LRMDA: variants seen among roughly 807,000 people sequenced by gnomAD.
LRMDA encodes leucine-rich melanocyte differentiation-associated protein.
In LRMDA, 18 loss-of-function variants were observed where a neutral mutation model predicts 29.8. The ratio of observed to expected loss-of-function variants is 0.60; its 90% CI spans 0.42 to 0.90. The LOEUF is 0.90. LRMDA is among the 40% of genes least tolerant of loss of function. The pLI is 0.00. For missense variants in LRMDA, 273 were observed against 273.9 expected, an observed-to-expected ratio of 1.00 and a Z score of 0.02; for synonymous variants, 125 against 109.4, an observed-to-expected ratio of 1.14 and a Z score of -0.89.
intron 2 of LRMDA, among the ~76,000 whole-genome samples, chr10:75,522,680 A>G (rs1365420245): frequency 6.6e-6 from 1 of 152,252 alleles, no homozygotes; most frequent in Non-Finnish European, 1.5e-5. Context: ...GTTCTACAAC[A>G]TGGGATTCCC....
At chr10:75,932,388 G>A (rs1172897269) in intron 2 of LRMDA, among the ~76,000 whole-genome samples, 1 of 152,176 alleles carries the variant, frequency 6.6e-6, no homozygotes, top group African/African-American at 2.4e-5. Flanking sequence ...TGAGGCAGGA[G>A]GACAGCCTGA....
chr10:76,452,274 G>T (rs893218129), intron 6 of LRMDA, among the ~76,000 whole-genome samples: 41 of 152,270 alleles, frequency 2.7e-4, no homozygotes, highest in African/African-American at 9.6e-4. Flanking sequence ...CTGGGATCTG[G>T]GTCAGGGCCT....
chr10:76,107,832 G>A (rs546301112), intron 5 of LRMDA, among the ~76,000 whole-genome samples: 16 of 152,184 alleles, frequency 1.1e-4, no homozygotes, highest in East Asian at 3.9e-4. Flanking sequence ...AGGTGTAAAC[G>A]TGCCATGGTG....
intron 5 of LRMDA, 106 bp downstream of exon 5, chr10:76,058,889 A>C (rs1589308171): frequency 1.1e-6 from 1 of 869,760 alleles, no homozygotes; most frequent in Non-Finnish European, 1.9e-6. Context: ...TGCAGTTGGA[A>C]TCTCACATGA....
intron 2 of LRMDA, among the ~76,000 whole-genome samples, chr10:75,879,064 T>C (rs1235825569): frequency 6.6e-6 from 1 of 152,228 alleles, no homozygotes; most frequent in Non-Finnish European, 1.5e-5. Context: ...GTTCCCCAGG[T>C]GACTCTGACA....
chr10:75,522,369 C>T (rs1845371824), intron 2 of LRMDA, among the ~76,000 whole-genome samples: 1 of 152,168 alleles, frequency 6.6e-6, no homozygotes, highest in Admixed American at 6.5e-5. Flanking sequence ...ATTCAGAAGT[C>T]TCTGTGCAGA....
intron 2 of LRMDA, among the ~76,000 whole-genome samples, chr10:75,657,472 C>A (rs1192431939): frequency 6.6e-6 from 1 of 152,184 alleles, no homozygotes; most frequent in Non-Finnish European, 1.5e-5. Flanking sequence ...AGAGCCACAG[C>A]AGCCAGGCAA....
intron 2 of LRMDA, among the ~76,000 whole-genome samples, chr10:75,851,689 T>G (rs1844735695): frequency 6.6e-6 from 1 of 152,194 alleles, no homozygotes. Flanking sequence ...ACTGATAAAA[T>G]GCAAAGTCAC....
chr10:76,306,610 C>A (rs577966932), intron 5 of LRMDA, among the ~76,000 whole-genome samples: 1 of 152,284 alleles, frequency 6.6e-6, no homozygotes, highest in East Asian at 1.9e-4. Flanking sequence ...ACATCCTTGG[C>A]ATCTCTTTTA....
chr10:75,924,824 G>T (rs550954193), intron 2 of LRMDA, among the ~76,000 whole-genome samples: 1 of 152,244 alleles, frequency 6.6e-6, no homozygotes, highest in South Asian at 2.1e-4. Flanking sequence ...TGGGTTTCTG[G>T]ATATGTTCTT....
intron 6 of LRMDA, among the ~76,000 whole-genome samples, chr10:76,505,728 C>T (rs930517132): frequency 1.3e-5 from 2 of 152,102 alleles, no homozygotes. Context: ...AATGAGCTTC[C>T]TTGCCATCCA....
At chr10:75,742,068 C>T (rs558238024) in intron 2 of LRMDA, among the ~76,000 whole-genome samples, 3 of 152,306 alleles carry the variant, frequency 2.0e-5, no homozygotes, top group East Asian at 1.9e-4. Context: ...ACGAAAAATA[C>T]GTTTCTGTTG....
chr10:75,682,807 C>A (rs117048381), intron 2 of LRMDA, among the ~76,000 whole-genome samples: 1 of 152,032 alleles, frequency 6.6e-6, no homozygotes, highest in Non-Finnish European at 1.5e-5. Flanking sequence ...TTTGACTCAG[C>A]GCAGCATCAA....
chr10:75,696,242 C>T (rs993285323), intron 2 of LRMDA, among the ~76,000 whole-genome samples: 1 of 152,192 alleles, frequency 6.6e-6, no homozygotes, highest in African/African-American at 2.4e-5. Flanking sequence ...CTTGCTTATG[C>T]TTTGTGTACA....
intron 2 of LRMDA, among the ~76,000 whole-genome samples, chr10:75,572,047 G>A (rs1345268923): frequency 1.3e-5 from 2 of 152,194 alleles, no homozygotes; most frequent in East Asian, 1.9e-4. Context: ...TCTGCCTCCC[G>A]GGTTCAAGCG....
intron 2 of LRMDA, among the ~76,000 whole-genome samples, chr10:75,584,598 A>G (rs886598046): frequency 1.3e-5 from 2 of 152,086 alleles, no homozygotes; most frequent in Non-Finnish European, 2.9e-5. Flanking sequence ...TGGGCTAGTG[A>G]GGTCTGGGGT....
chr10:75,598,825 AT>A (rs1335888407), intron 2 of LRMDA, among the ~76,000 whole-genome samples: 1 of 152,180 alleles, frequency 6.6e-6, no homozygotes, highest in Non-Finnish European at 1.5e-5. Context: ...ATAAAATCAA[AT>A]AGACATGAAG....
intron 2 of LRMDA, among the ~76,000 whole-genome samples, chr10:75,840,412 G>A (rs1166539589): frequency 3.9e-5 from 6 of 152,166 alleles, no homozygotes; most frequent in African/African-American, 1.4e-4. Context: ...GTTGAATTGT[G>A]ATCTATTAAA....
chr10:75,678,163 G>A (rs934034607), intron 2 of LRMDA, among the ~76,000 whole-genome samples: 14 of 152,048 alleles, frequency 9.2e-5, no homozygotes, highest in African/African-American at 3.4e-4. Flanking sequence ...CACGTATATA[G>A]CTAAACATAT....
Sources: gnomAD v4.1 joint callset for allele counts (sites outside exome capture counted in the v4.1 genomes callset) on GRCh38, gnomAD v4.1.1 for gene constraint, MANE v1.5 for transcripts, NCBI Gene and HGNC (gene_info 2026-07-23, HGNC 2026-07-21) for gene names.